The following SMC6 variants were observed in gnomAD, a reference collection of about 807,000 sequenced individuals.
SMC6 encodes structural maintenance of chromosomes protein 6.
SMC6 carries 79 observed loss-of-function variants against 142.2 expected under a neutral mutation model. That is an observed-to-expected ratio of 0.56 (90% CI 0.46 to 0.67). SMC6 has a LOEUF of 0.67. Among genes scored for constraint, SMC6 ranks in the 30% least tolerant of loss-of-function variants. SMC6 has a pLI of 0.00. For missense variants in SMC6, 1,072 were observed against 1,284.0 expected (o/e 0.83, Z 2.52); for synonymous variants, 411 against 412.4 (o/e 1.00, Z 0.04).
chr2:17,736,686 G>A (rs1467105211), intron 5 of SMC6, among the ~76,000 whole-genome samples: 2 of 150,794 alleles, frequency 1.3e-5, no homozygotes, highest in Non-Finnish European at 3.0e-5. Context: ...CCAGGAGTTC[G>A]AGGCCAGGCC....
chr2:17,732,708 A>G (rs1169122777), intron 5 of SMC6, among the ~76,000 whole-genome samples: 4 of 152,146 alleles, frequency 2.6e-5, no homozygotes, highest in African/African-American at 7.2e-5. Flanking sequence ...CAAAAAAAAA[A>G]AAGAAAAAAG....
At position 17,700,287 on chromosome 2, in the gene SMC6, A is replaced by T. The variant is rs1668206212; in HGVS notation, c.2315T>A (p.Leu772Gln). Reference protein sequence around the residue: ...QKENMEHLKSLKIEAENKYDA... With the variant: ...QKENMEHLKSQKIEAENKYDA... Reference sequence around the variant, plus strand: ...ATACTTATTTTCTGCTTCTATTTTCAGACTTTTAAGATGCTCCATATTTTC... The same window carrying T: ...ATACTTATTTTCTGCTTCTATTTTCTGACTTTTAAGATGCTCCATATTTTC... Residue 772 changes from leucine to glutamine, a missense_variant, in exon 21 of 28, where the codon CTG becomes CAG. Around this residue, in one of 3 missense-constraint regions of SMC6, gnomAD observed 994 missense variants for 1,153.2 expected, o/e 0.86. Coordinates refer to ENST00000448223, the MANE Select transcript of SMC6 (RefSeq NM_001142286.2). The T allele has an allele frequency of 6.2e-7, 1 of 1,611,138 alleles. No individual in the cohort carries two copies. The highest frequency in any genetic ancestry group is 8.5e-7 in the Non-Finnish European group (1 of 1,178,488).
intron 23 of SMC6, among the ~76,000 whole-genome samples, chr2:17,691,233 T>TACAC (rs138226968): frequency 3.1e-3 from 376 of 123,246 alleles, no homozygotes; most frequent in East Asian, 0.013. Flanking sequence ...AAAATGTGTA[T>TACAC]ACACACACAC....
intron 21 of SMC6, among the ~76,000 whole-genome samples, chr2:17,698,181 A>G (rs1389635912): frequency 1.3e-5 from 2 of 152,032 alleles, no homozygotes; most frequent in African/African-American, 4.8e-5. Context: ...TTTCTTTATT[A>G]GGCGATGAAA....
At chr2:17,730,961 C>A in intron 7 of SMC6, 117 bp downstream of exon 7, 1 of 760,496 alleles carries the variant, frequency 1.3e-6, no homozygotes, top group Non-Finnish European at 2.3e-6. Flanking sequence ...TACACATATG[C>A]TTCCTGTGGT....
At chr2:17,669,112 C>T (rs530332844) in intron 26 of SMC6, among the ~76,000 whole-genome samples, 20 of 152,194 alleles carry the variant, frequency 1.3e-4, no homozygotes, top group Non-Finnish European at 2.8e-4. Flanking sequence ...AAAGGAGAAG[C>T]GGACAGAGGT....
intron 25 of SMC6, among the ~76,000 whole-genome samples, chr2:17,671,158 G>A (rs1050027389): frequency 6.6e-6 from 1 of 151,666 alleles, no homozygotes; most frequent in Non-Finnish European, 1.5e-5. Flanking sequence ...ACAGGTGTAA[G>A]CCACCACACC....
intron 25 of SMC6, among the ~76,000 whole-genome samples, chr2:17,673,351 T>A (rs934006662): frequency 3.0e-4 from 46 of 152,162 alleles, no homozygotes; most frequent in Non-Finnish European, 4.6e-4. Context: ...AATGTTACTT[T>A]TTGATGAAGT....
chr2:17,701,461 C>T lies in SMC6; in HGVS notation c.2223+368G>A, dbSNP rs74414609. On this transcript the variant is annotated intron_variant, in intron 20 of 27. Transcript: ENST00000448223. ...CAACTAGAACTGACTAAAAGATGATCCTGACATCTGTGCCCATTCATATTG... is the reference window on the plus strand; with the variant it reads ...CAACTAGAACTGACTAAAAGATGATTCTGACATCTGTGCCCATTCATATTG... 4.8e-3 allele frequency among the ~76,000 whole-genome samples: 734 copies of T among 152,172 alleles called. 3 individuals carry two copies. The highest frequency in any genetic ancestry group is 0.016 in the African/African-American group (682 of 41,524).
intron 24 of SMC6, 78 bp from the exon 25 acceptor site, chr2:17,679,042 G>T: frequency 1.1e-6 from 1 of 937,852 alleles, no homozygotes; most frequent in Non-Finnish European, 1.6e-6. Flanking sequence ...ATCTAAGCAT[G>T]TGAGAAAACC....
At chr2:17,748,299 C>T (rs1198368478) in intron 2 of SMC6, among the ~76,000 whole-genome samples, 1 of 152,184 alleles carries the variant, frequency 6.6e-6, no homozygotes, top group Non-Finnish European at 1.5e-5. Flanking sequence ...AGGTGATTCA[C>T]ATGCACATTA....
chr2:17,737,474 G>A (rs1670215255), intron 5 of SMC6, among the ~76,000 whole-genome samples: 1 of 152,230 alleles, frequency 6.6e-6, no homozygotes, highest in Non-Finnish European at 1.5e-5. Flanking sequence ...GATCCCTTCA[G>A]AGGTATCTGG....
At chr2:17,726,606 AT>A (rs1669642365) in intron 7 of SMC6, 137 bp from the exon 8 acceptor site, 1 of 587,950 alleles carries the variant, frequency 1.7e-6, no homozygotes, top group Non-Finnish European at 2.9e-6. Context: ...TAACGTTAGG[AT>A]AAAAATACTA....
At position 17,708,725 on chromosome 2, in the gene SMC6, C is replaced by T; in HGVS notation, c.1759G>A (p.Val587Ile). Reference protein sequence around the residue: ...RAAYHPDFPTVLTALEIDNAV... With the variant: ...RAAYHPDFPTILTALEIDNAV... Reference sequence around the variant, plus strand: ...TTATCTATTTCTAAAGCTGTCAGAACTGTTGGAAAGTCTGGATGATAAGCA... The same window carrying T: ...TTATCTATTTCTAAAGCTGTCAGAATTGTTGGAAAGTCTGGATGATAAGCA... Residue 587 changes from valine to isoleucine, a missense_variant, in exon 17 of 28, where the codon GTT (valine) becomes ATT (isoleucine). By Grantham distance (29) the Val-to-Ile change is conservative. This residue lies in a region of SMC6 where 994 missense variants were observed against 1,153.2 expected (regional missense o/e 0.86). Transcript: ENST00000448223. 1 of 1,547,302 alleles carries T rather than the reference C, an allele frequency of 6.5e-7. No homozygotes were observed. Among genetic ancestry groups the T allele is most frequent in the East Asian group, 2.4e-5 (1 of 41,882 alleles).
rs1670253959 is a variant in SMC6 at position 17,738,276 on chromosome 2, C to T, written c.289G>A (p.Ala97Thr). 1 of 1,613,572 alleles carries T rather than the reference C, an allele frequency of 6.2e-7. No individual in the cohort carries two copies. Among genetic ancestry groups the T allele is most frequent in the African/African-American group, 1.3e-5 (1 of 74,868 alleles). The change falls in exon 5 of 28, where the codon GCA becomes ACA. Residue 97 changes from alanine (A) to threonine (T), a missense_variant. Coordinates refer to ENST00000448223, the MANE Select transcript of SMC6 (RefSeq NM_001142286.2). The part of the protein sequence containing the change: ...TALIVGLGGR[A>T]VATNRGSSLK... ...GAGGATCCTCTATTAGTAGCAACTG[C>T]TCTTCCACCAAGACCGACTATGAGA...
At chr2:17,690,260 C>T (rs1244840378) in intron 23 of SMC6, among the ~76,000 whole-genome samples, 3 of 152,168 alleles carry the variant, frequency 2.0e-5, no homozygotes, top group Non-Finnish European at 4.4e-5. Flanking sequence ...TCAGAAAGAA[C>T]ATCATAAAGC....
chr2:17,731,480 G>C (rs1179220380), intron 6 of SMC6, among the ~76,000 whole-genome samples: 1 of 152,162 alleles, frequency 6.6e-6, no homozygotes, highest in East Asian at 1.9e-4. Flanking sequence ...GGTGTGATAG[G>C]AAGTCTGTAG....
At chr2:17,700,504 T>TAGAA (rs146832506) in intron 20 of SMC6, 126 bp from the exon 21 acceptor site, 6,355 of 628,248 alleles carry the variant, frequency 0.01, 112 homozygotes, top group African/African-American at 0.046. Flanking sequence ...CAAATACAAA[T>TAGAA]AGAACACTAG....
chr2:17,745,888 T>G lies in SMC6; in HGVS notation c.59A>C (p.Gln20Pro). 6.2e-7 allele frequency: 1 copy of G among 1,613,114 alleles called. No homozygotes were observed. Among genetic ancestry groups the G allele is most frequent in the African/African-American group, 1.3e-5 (1 of 75,030 alleles). The part of the protein sequence containing the change: ...SSPKNAKRPR[Q>P]EELEDFDKDG... ...TTTATCAAAATCCTCCAATTCTTCTTGTCTTGGCCTTTTGGCATTTTTAGG... is the reference window on the plus strand; with the variant it reads ...TTTATCAAAATCCTCCAATTCTTCTGGTCTTGGCCTTTTGGCATTTTTAGG... The change falls in exon 3 of 28, where the codon CAA becomes CCA. Residue 20 changes from glutamine (Q) to proline (P), a missense_variant. Gln to Pro is a moderately conservative substitution (Grantham distance 76). This residue lies in a region of SMC6 where 994 missense variants were observed against 1,153.2 expected (regional missense o/e 0.86). Transcript: ENST00000448223.
Sources: allele counts gnomAD v4.1 joint callset (sites outside exome capture counted in the v4.1 genomes callset), GRCh38; gene constraint gnomAD v4.1.1; regional missense constraint gnomAD v4.1.1; transcripts MANE v1.5; gene names NCBI Gene and HGNC (gene_info 2026-07-23, HGNC 2026-07-21).